The following RNF144B variants were observed in gnomAD, a reference collection of about 807,000 sequenced individuals.
RNF144B encodes ring finger protein 144B.
A neutral mutation model predicts 40.2 loss-of-function variants in RNF144B; 25 were observed. That is an observed-to-expected ratio of 0.62 (90% CI 0.45 to 0.87). The LOEUF (loss-of-function observed/expected upper bound fraction) is 0.87, where lower values mean the gene tolerates loss of function less well. Ranked by LOEUF, RNF144B falls within the 40% of genes least tolerant of loss-of-function variation. The pLI is 0.00. For synonymous variants in RNF144B, 145 were observed against 136.3 expected (o/e 1.06, Z -0.44); for missense variants, 365 against 373.7 (o/e 0.98, Z 0.19).
rs1365315168 is a variant in RNF144B, at chr6:18,465,545, A to G, written c.*478A>G. On this transcript the variant is annotated 3_prime_UTR_variant, in exon 8 of 8. Transcript: ENST00000259939. Reference sequence around the variant, plus strand: ...AGACTGCGTAAGGAGAAATCCTCATAGGAGCTATAAAGCAGGCTGCTGATC... The same window carrying G: ...AGACTGCGTAAGGAGAAATCCTCATGGGAGCTATAAAGCAGGCTGCTGATC... The G allele has an allele frequency of 6.5e-6, 1 of 154,222 alleles. No individual in the cohort carries two copies. The highest frequency in any genetic ancestry group is 2.4e-5 in the African/African-American group (1 of 41,492). 9.6% of individuals were successfully genotyped at this position (154,222 alleles called of 1,614,324 possible).
chr6:18,394,071 G>A (rs1794641683), intron 1 of RNF144B, among the ~76,000 whole-genome samples: 1 of 152,132 alleles, frequency 6.6e-6, no homozygotes, highest in South Asian at 2.1e-4. Context: ...ATTCATTTTA[G>A]TAGCTTTCTA....
chr6:18,452,317 C>T (rs1031707770), intron 4 of RNF144B, among the ~76,000 whole-genome samples: 1 of 152,134 alleles, frequency 6.6e-6, no homozygotes, highest in Non-Finnish European at 1.5e-5. Flanking sequence ...TAGACAGCAG[C>T]AATTAACAAG....
Position 18,450,433 on chromosome 6 carries a change from G to A in RNF144B, c.332-6722G>A, listed in dbSNP as rs1350799845. Reference sequence around the variant, plus strand: ...CTGCCTCAGCCTCCCGAGTAGCTGGGATTACACGTGTGTGCCACCAGGCCT... The same window carrying A: ...CTGCCTCAGCCTCCCGAGTAGCTGGAATTACACGTGTGTGCCACCAGGCCT... On this transcript the variant is annotated intron_variant, in intron 4 of 7. Transcript: ENST00000259939. This position sits in a 1 kb window ranked among gnomAD's most constrained non-coding sequence, Gnocchi z 4.7. Among the ~76,000 whole-genome samples the A allele has an allele frequency of 6.6e-6, 1 of 152,054 alleles. No homozygotes were observed. The highest frequency in any genetic ancestry group is 1.5e-5 in the Non-Finnish European group (1 of 68,008).
intron 2 of RNF144B, among the ~76,000 whole-genome samples, chr6:18,413,323 T>C (rs1212889177): frequency 6.6e-6 from 1 of 152,246 alleles, no homozygotes. Context: ...AACTGGCTAC[T>C]GATTTTATAT....
chr6:18,453,137 C>CTTTTTT (rs33972716), intron 4 of RNF144B, among the ~76,000 whole-genome samples: 4 of 103,374 alleles, frequency 3.9e-5, no homozygotes, highest in Non-Finnish European at 7.5e-5. Flanking sequence ...TTTCTGTCTG[C>CTTTTTT]TTTTTTTTTT....
chr6:18,433,059 G>A (rs902548732), intron 3 of RNF144B, among the ~76,000 whole-genome samples: 3 of 152,174 alleles, frequency 2.0e-5, no homozygotes, highest in Admixed American at 6.5e-5. Context: ...ATATTTAGTT[G>A]GGTGGCTTTG....
chr6:18,439,849 C>T lies in RNF144B; in HGVS notation c.331+105C>T, dbSNP rs1480252271. On this transcript the variant is annotated intron_variant, in intron 4 of 7. Coordinates refer to ENST00000259939, the MANE Select transcript of RNF144B (RefSeq NM_182757.4). ...AGGCAGCTATGGGCTGTCAACAAAG[C>T]CTCAAGGGTACTCTAAAAGGAGAAT... The T allele has an allele frequency of 4.3e-6, 3 of 698,102 alleles. No homozygotes were observed. In the Admixed American group the frequency reaches 6.9e-5, roughly 16 times the overall value. The allele number at this position is 698,102 out of a possible 1,614,324, so 43.2% of individuals were successfully genotyped here. A position where few individuals can be genotyped will look rare whatever the true frequency, so the allele number is the denominator to read the frequency against.
In RNF144B at chr6:18,429,079, T is replaced by C. The variant is rs554594471; in HGVS notation, c.270+1394T>C. Among the ~76,000 whole-genome samples the C allele has an allele frequency of 3.9e-5, 6 of 152,168 alleles. No homozygotes were observed. The East Asian group carries it at 9.7e-4, about 24-fold the overall frequency. On this transcript the variant is annotated intron_variant, in intron 3 of 7. Coordinates refer to ENST00000259939, the MANE Select transcript of RNF144B (RefSeq NM_182757.4). ...CAGGCATAGTGGTGCATGCCTATAG[T>C]CCCAGCTACTCTGGAGGCTGAGGTG... is the stretch of plus-strand genomic sequence containing the variant.
In RNF144B at chr6:18,405,542, CTTTG is replaced by C. The variant is rs1368583791; in HGVS notation, c.165+5849_165+5852del. On this transcript the variant is annotated intron_variant, in intron 2 of 7. Coordinates refer to ENST00000259939, the MANE Select transcript of RNF144B (RefSeq NM_182757.4). The surrounding 1 kb of genome is among the most constrained non-coding windows in gnomAD (Gnocchi z 4.5). ...GTTAGCAGTAAATCAGTGAATTTGT[CTTTG>C]TTTGTGAAATAACTTCAATATACTC... Among the ~76,000 whole-genome samples, 2 of 152,084 alleles carry C rather than the reference CTTTG, an allele frequency of 1.3e-5. No homozygotes were observed. Among genetic ancestry groups the C allele is most frequent in the South Asian group, 2.1e-4 (1 of 4,830 alleles).
chr6:18,439,240 G>T (rs746963846), intron 3 of RNF144B, among the ~76,000 whole-genome samples: 4 of 152,146 alleles, frequency 2.6e-5, no homozygotes, highest in African/African-American at 9.7e-5. Context: ...GGTGACAAAT[G>T]ACATTTGCAT....
rs181961864 is a variant in RNF144B, at chr6:18,389,955, A to G, written c.-37+2325A>G. On this transcript the variant is annotated intron_variant, in intron 1 of 7. Transcript: ENST00000259939. ...TACAGATGAGAACCAGGCCTTTAAT[A>G]TTTTCTCTCCTCCAAGTACAATCAG... 2.4e-4 allele frequency among the ~76,000 whole-genome samples: 36 copies of G among 152,202 alleles called. No homozygotes were observed. The East Asian group carries it at 6.6e-3, about 28-fold the overall frequency.
intron 2 of RNF144B, among the ~76,000 whole-genome samples, chr6:18,423,206 GTGATAT>G (rs1758471115): frequency 6.6e-6 from 1 of 152,146 alleles, no homozygotes; most frequent in Non-Finnish European, 1.5e-5. Flanking sequence ...GCTTAGACAG[GTGATAT>G]TGTCCCATTT....
chr6:18,455,792 T>C (rs1759310240), intron 4 of RNF144B, among the ~76,000 whole-genome samples: 1 of 152,226 alleles, frequency 6.6e-6, no homozygotes, highest in Non-Finnish European at 1.5e-5. Flanking sequence ...AACTCTATCT[T>C]CTTTCCTGTA....
chr6:18,449,709 A>G lies in RNF144B; in HGVS notation c.332-7446A>G, dbSNP rs968242071. On this transcript the variant is annotated intron_variant, in intron 4 of 7. Coordinates refer to ENST00000259939, the MANE Select transcript of RNF144B (RefSeq NM_182757.4). ...AACGTGTTTTGAAGTATATATATAT[A>G]TATACATTGTGGATATAACTAAAAT... is the stretch of plus-strand genomic sequence containing the variant. Among the ~76,000 whole-genome samples the G allele has an allele frequency of 3.9e-5, 6 of 151,940 alleles. No homozygotes were observed. In the South Asian group the frequency reaches 8.3e-4, roughly 21 times the overall value.
In RNF144B at chr6:18,468,611, G is replaced by A. The variant is rs1213379363; in HGVS notation, c.*3544G>A. 1 of 152,070 alleles carries A rather than the reference G, an allele frequency of 6.6e-6. No individual in the cohort carries two copies. The highest frequency in any genetic ancestry group is 1.5e-5 in the Non-Finnish European group (1 of 68,012). 9.4% of individuals were successfully genotyped at this position (152,070 alleles called of 1,614,324 possible). ...GTACTAATAAAAGACTTTTCTTTCTGTTCATGAATGGATGCCTTTATGTGA... is the reference window on the plus strand; with the variant it reads ...GTACTAATAAAAGACTTTTCTTTCTATTCATGAATGGATGCCTTTATGTGA... On this transcript the variant is annotated 3_prime_UTR_variant, in exon 8 of 8. Coordinates refer to ENST00000259939, the MANE Select transcript of RNF144B (RefSeq NM_182757.4).
intron 2 of RNF144B, among the ~76,000 whole-genome samples, chr6:18,424,320 T>C (rs1378155947): frequency 6.6e-6 from 1 of 152,212 alleles, no homozygotes; most frequent in Non-Finnish European, 1.5e-5. Flanking sequence ...CTAGGGCTGG[T>C]TGTTTTCCCT....
At position 18,460,457 on chromosome 6, in the gene RNF144B, AAC is replaced by A. The variant is rs1041221123; in HGVS notation, c.681+710_681+711del. Among the ~76,000 whole-genome samples, 4 of 152,226 alleles carry A rather than the reference AAC, an allele frequency of 2.6e-5. No individual in the cohort carries two copies. The highest frequency in any genetic ancestry group is 2.9e-5 in the Non-Finnish European group (2 of 68,034). On this transcript the variant is annotated intron_variant, in intron 6 of 7. Transcript: ENST00000259939. The surrounding 1 kb of genome is among the most constrained non-coding windows in gnomAD (Gnocchi z 4.4). ...CAGAATCCCTCTTGTCATATAGGGT[AAC>A]ACATTCACAGATTCTGGGAATTAGG...
At chr6:18,454,607 G>A (rs565261590) in intron 4 of RNF144B, among the ~76,000 whole-genome samples, 11 of 152,094 alleles carry the variant, frequency 7.2e-5, no homozygotes, top group Non-Finnish European at 1.5e-4. Flanking sequence ...TGAAAAATAC[G>A]GAAGTTCAGT....
chr6:18,402,835 T>C (rs909468078), intron 2 of RNF144B, among the ~76,000 whole-genome samples: 17 of 152,352 alleles, frequency 1.1e-4, no homozygotes, highest in African/African-American at 3.6e-4. Flanking sequence ...GCTGTGAAGA[T>C]GGTTTCTGCT....
Sources: gnomAD v4.1 joint callset for allele counts (sites outside exome capture counted in the v4.1 genomes callset) on GRCh38, gnomAD v4.1.1 for gene constraint, Gnocchi (gnomAD v3.1) non-coding constraint, MANE v1.5 for transcripts, NCBI Gene and HGNC (gene_info 2026-07-23, HGNC 2026-07-21) for gene names.